CNTRL: variants seen among roughly 807,000 people sequenced by gnomAD.
CNTRL encodes 110 kDa centrosomal protein.
A neutral mutation model predicts 303.7 loss-of-function variants in CNTRL; 233 were observed. The ratio of observed to expected loss-of-function variants is 0.77; its 90% confidence interval spans 0.69 to 0.86. The LOEUF is 0.86. Ranked by LOEUF, CNTRL falls within the 40% of genes least tolerant of loss-of-function variation. The pLI is 0.00. For synonymous variants in CNTRL, 900 were observed against 922.2 expected (o/e 0.98, Z 0.44); for missense variants, 2,524 against 2,650.6 (o/e 0.95, Z 1.05).
In CNTRL at chr9:121,161,969, G is replaced by C; in HGVS notation, c.5203G>C (p.Glu1735Gln). ...AGAGAAGACTCAGGTGGCAGTGCTA[G>C]AGGTAATGAACAAAGCCAGTGTACC... ...ELEKTQVAVL[E>Q]EKLELENLQQ... Residue 1735 changes from glutamate to glutamine, a missense_variant and splice_region_variant, in exon 33 of 44, where the codon GAG (glutamate) becomes CAG (glutamine). By Grantham distance (29) the Glu-to-Gln change is conservative. Coordinates refer to ENST00000373855, the MANE Select transcript of CNTRL (RefSeq NM_007018.6). 1 of 1,613,894 alleles carries C rather than the reference G, an allele frequency of 6.2e-7. No homozygotes were observed. Among genetic ancestry groups the C allele is most frequent in the Non-Finnish European group, 8.5e-7 (1 of 1,179,762 alleles).
Position 121,145,156 on chromosome 9 carries a change from A to G in CNTRL, c.3169-88A>G, listed in dbSNP as rs1164996199. 4 of 1,430,936 alleles carry G rather than the reference A, an allele frequency of 2.8e-6. No homozygotes were observed. In the African/African-American group the frequency reaches 4.3e-5, roughly 15 times the overall value. 88.6% of individuals were successfully genotyped at this position (1,430,936 alleles called of 1,614,324 possible). On this transcript the variant is annotated intron_variant, in intron 21 of 43. Transcript: ENST00000373855. ...CCTCACTGGGAAAGTGTAAATAAAT[A>G]TAGAATCATAATCAAGTTGAAAGGA...
At chr9:121,128,094 G>T (rs1181054634) in intron 14 of CNTRL, among the ~76,000 whole-genome samples, 1 of 152,066 alleles carries the variant, frequency 6.6e-6, no homozygotes, top group African/African-American at 2.4e-5. Flanking sequence ...GAATAGTGCC[G>T]CAATAAACAC....
At position 121,173,674 on chromosome 9, in the gene CNTRL, G is replaced by A; in HGVS notation, c.6685-1G>A. On this transcript the variant is annotated splice_acceptor_variant, in intron 41 of 43. Coordinates refer to ENST00000373855, the MANE Select transcript of CNTRL (RefSeq NM_007018.6). LOFTEE classifies it high-confidence loss of function. ...ATATCTCTATTTTCCCTCTGAGAAAGGATGAACACTGGCGTGGAGAAGCAC... is the reference window on the plus strand; with the variant it reads ...ATATCTCTATTTTCCCTCTGAGAAAAGATGAACACTGGCGTGGAGAAGCAC... 1.9e-6 allele frequency: 3 copies of A among 1,614,090 alleles called. No homozygotes were observed. The highest frequency in any genetic ancestry group is 2.5e-6 in the Non-Finnish European group (3 of 1,179,942).
chr9:121,113,374 C>T, intron 9 of CNTRL, 128 bp from the exon 10 acceptor site: 1 of 514,894 alleles, frequency 1.9e-6, no homozygotes, highest in South Asian at 3.4e-5. Flanking sequence ...TCTTTCAGCT[C>T]CTAGGCATGT....
chr9:121,141,330 G>A, intron 17 of CNTRL, 51 bp from the exon 18 acceptor site: 1 of 1,380,536 alleles, frequency 7.2e-7, no homozygotes, highest in Non-Finnish European at 1.0e-6. Flanking sequence ...TTTGCAGCCA[G>A]CATCAAAAAT....
intron 25 of CNTRL, among the ~76,000 whole-genome samples, chr9:121,150,980 A>ACACATGTATGTG: frequency 6.6e-6 from 1 of 152,352 alleles, no homozygotes; most frequent in Non-Finnish European, 1.5e-5. Context: ...ATGAGTGTAT[A>ACACATGTATGTG]CACATGTATG....
chr9:121,138,537 G>A lies in CNTRL; in HGVS notation c.2203-8G>A, dbSNP rs2051322133. The A allele has an allele frequency of 1.2e-6, 2 of 1,610,626 alleles. No homozygotes were observed. The highest frequency in any genetic ancestry group is 1.7e-6 in the Non-Finnish European group (2 of 1,178,396). The stretch of plus-strand genomic sequence containing the variant: ...ACACTTTCATGTCATTGCTTCCTAT[G>A]GTGACAGTTAGAACAATCAGCCCTT... On this transcript the variant is annotated splice_polypyrimidine_tract_variant and splice_region_variant and intron_variant, in intron 15 of 43. Coordinates refer to ENST00000373855, the MANE Select transcript of CNTRL (RefSeq NM_007018.6).
chr9:121,174,993 C>A, intron 42 of CNTRL, 25 bp from the exon 43 acceptor site: 1 of 1,603,208 alleles, frequency 6.2e-7, no homozygotes, highest in African/African-American at 1.3e-5. Context: ...CTGTGTAAAA[C>A]CCTAAGTCTT....
rs1564220588 is a variant in CNTRL, at chr9:121,113,715, A to T, written c.1336A>T (p.Ile446Leu). Residue 446 changes from isoleucine to leucine, a missense_variant, in exon 10 of 44, where the codon ATA becomes TTA. Transcript: ENST00000373855. The stretch of plus-strand genomic sequence containing the variant: ...GCAACTGGAAGACAAAGAAAAAAAA[A>T]TAAGTGCAGGTTAAAAAAAGTTATT... Reference protein sequence around the residue: ...DTQLEDKEKKISAAQTRLSEL... With the variant: ...DTQLEDKEKKLSAAQTRLSEL... 1 of 1,533,384 alleles carries T rather than the reference A, an allele frequency of 6.5e-7. No homozygotes were observed. The highest frequency in any genetic ancestry group is 2.3e-5 in the East Asian group (1 of 43,296). The allele number at this position is 1,533,384 out of a possible 1,614,324, so 95.0% of individuals were successfully genotyped here. A position where few individuals can be genotyped will look rare whatever the true frequency, so the allele number is the denominator to read the frequency against.
intron 25 of CNTRL, among the ~76,000 whole-genome samples, chr9:121,151,384 C>CTTTTTT (rs200247383): frequency 0.01 from 927 of 91,170 alleles, 67 homozygotes; most frequent in South Asian, 0.016. Flanking sequence ...CTTTTTTCTT[C>CTTTTTT]TTCTTTTTTT....
At chr9:121,090,135 C>A in intron 3 of CNTRL, 140 bp from the exon 4 acceptor site, 1 of 452,110 alleles carries the variant, frequency 2.2e-6, no homozygotes, top group South Asian at 3.9e-5. Context: ...ATTATTAAAA[C>A]ATTATGATTA....
At chr9:121,087,835 A>C (rs1445952699) in intron 2 of CNTRL, among the ~76,000 whole-genome samples, 1 of 152,236 alleles carries the variant, frequency 6.6e-6, no homozygotes, top group Non-Finnish European at 1.5e-5. Flanking sequence ...AAGGAGGAAC[A>C]AAAGCCAGCA....
chr9:121,169,284 A>T (rs1181738474), intron 38 of CNTRL, among the ~76,000 whole-genome samples: 1 of 152,206 alleles, frequency 6.6e-6, no homozygotes, highest in Non-Finnish European at 1.5e-5. Flanking sequence ...ATCAATGTTT[A>T]TAAAAAACAT....
At chr9:121,146,330 A>G in intron 23 of CNTRL, 74 bp downstream of exon 23, 1 of 1,438,908 alleles carries the variant, frequency 6.9e-7, no homozygotes, top group East Asian at 2.3e-5. Flanking sequence ...CCTTCCCCAA[A>G]TTTATGAACA....
chr9:121,125,619 A>C, intron 13 of CNTRL, 97 bp from the exon 14 acceptor site: 1 of 1,061,960 alleles, frequency 9.4e-7, no homozygotes, highest in Admixed American at 2.2e-5. Flanking sequence ...AAAGAATTGA[A>C]AGCTTAGAAT....
rs771697043 is a variant in CNTRL, at chr9:121,168,237, G to A, written c.5986G>A (p.Val1996Met). The A allele has an allele frequency of 2.5e-6, 4 of 1,614,048 alleles. No homozygotes were observed. The highest frequency in any genetic ancestry group is 3.3e-5 in the Admixed American group (2 of 60,000). Reference sequence around the variant, plus strand: ...CAAACTGGACCAAGTGCTCTCAAAGGTGCTGGCAGCTGAAGAGCGTGTTAG... The same window carrying A: ...CAAACTGGACCAAGTGCTCTCAAAGATGCTGGCAGCTGAAGAGCGTGTTAG... ...KSKLDQVLSKVLAAEERVRTL... is the reference protein window; with the variant it reads ...KSKLDQVLSKMLAAEERVRTL... Residue 1996 changes from valine (V) to methionine (M), a missense_variant, in exon 38 of 44, where the codon GTG (valine) becomes ATG (methionine). By Grantham distance (21) the Val-to-Met change is conservative. Transcript: ENST00000373855.
At chr9:121,141,715 T>G in intron 18 of CNTRL, 127 bp downstream of exon 18, 1 of 919,078 alleles carries the variant, frequency 1.1e-6, no homozygotes, top group Non-Finnish European at 1.7e-6. Flanking sequence ...TTATAACAAG[T>G]CAAGCTGGGT....
chr9:121,118,054 A>G (rs1340393348), intron 11 of CNTRL, among the ~76,000 whole-genome samples: 2 of 151,838 alleles, frequency 1.3e-5, no homozygotes, highest in Non-Finnish European at 2.9e-5. Context: ...GTTGGCTATT[A>G]TTAATACTAT....
rs758206739 is a variant in CNTRL at position 121,154,830 on chromosome 9, C to T, written c.4282C>T (p.Leu1428Phe). Residue 1428 changes from leucine (L) to phenylalanine (F), a missense_variant, in exon 27 of 44, where the codon CTT becomes TTT. Coordinates refer to ENST00000373855, the MANE Select transcript of CNTRL (RefSeq NM_007018.6). ...VDEIECIEKT[L>F]LKRRSELREA... ...TGAAATTGAGTGCATTGAGAAGACT[C>T]TTCTGAAACGTCGCTCAGAGCTCAG... 1.9e-6 allele frequency: 3 copies of T among 1,614,128 alleles called. No individual in the cohort carries two copies. Among genetic ancestry groups the T allele is most frequent in the Non-Finnish European group, 2.5e-6 (3 of 1,179,968 alleles).
Sources: allele counts gnomAD v4.1 joint callset (sites outside exome capture counted in the v4.1 genomes callset), GRCh38; gene constraint gnomAD v4.1.1; transcripts MANE v1.5; gene names NCBI Gene and HGNC (gene_info 2026-07-23, HGNC 2026-07-21).